The following EBF1 variants were observed in gnomAD, a reference collection of about 807,000 sequenced individuals.
The protein encoded by EBF1 is EBF transcription factor 1.
A neutral mutation model predicts 68.4 loss-of-function variants in EBF1; 10 were observed. The observed-to-expected ratio is 0.15, with a 90% CI of 0.09 to 0.25. EBF1 has a LOEUF of 0.25. EBF1 is among the 10% of genes least tolerant of loss of function. EBF1 has a pLI of 1.00. For missense variants in EBF1, 509 were observed against 794.4 expected, an observed-to-expected ratio of 0.64 and a Z score of 4.32; for synonymous variants, 298 against 299.8, an observed-to-expected ratio of 0.99 and a Z score of 0.06.
rs140902422 is a variant in EBF1 at position 158,822,005 on chromosome 5, C to T, written c.778+1171G>A. 5.6e-3 allele frequency among the ~76,000 whole-genome samples: 847 copies of T among 152,138 alleles called. 13 individuals carry two copies. Among genetic ancestry groups the T allele is most frequent in the African/African-American group, 0.019 (800 of 41,494 alleles). On this transcript the variant is annotated intron_variant, in intron 8 of 15. Transcript: ENST00000313708. ...AGCCAGGCAAAAATGATGAGAGTGG[C>T]GTGTTTATTAAATTGGGATGCTGGC...
intron 8 of EBF1, among the ~76,000 whole-genome samples, chr5:158,803,737 T>C (rs1008700939): frequency 2.4e-4 from 37 of 152,118 alleles, no homozygotes; most frequent in African/African-American, 7.2e-4. Context: ...ATAACACTTA[T>C]GCTGTTGCTT....
chr5:158,818,469 T>C (rs1344397359), intron 8 of EBF1, among the ~76,000 whole-genome samples: 1 of 152,176 alleles, frequency 6.6e-6, no homozygotes, highest in Non-Finnish European at 1.5e-5. Context: ...TCAGGGACAG[T>C]TGTAATGTGA....
At chr5:159,094,112 C>A (rs1259521990) in intron 4 of EBF1, among the ~76,000 whole-genome samples, 1 of 42,746 alleles carries the variant, frequency 2.3e-5, no homozygotes. Flanking sequence ...TTTGACATCG[C>A]AAAAGAAAAA....
chr5:158,958,855 T>G (rs2127528336), intron 6 of EBF1, among the ~76,000 whole-genome samples: 1 of 152,230 alleles, frequency 6.6e-6, no homozygotes, highest in South Asian at 2.1e-4. Flanking sequence ...GTGCATATTT[T>G]AAACCATGGG....
rs1289675640 is a variant in EBF1, at chr5:159,099,681, T to A, written c.-203A>T. 6.1e-6 allele frequency: 3 copies of A among 491,478 alleles called. No homozygotes were observed. The highest frequency in any genetic ancestry group is 2.0e-5 in the African/African-American group (1 of 49,186). 30.4% of individuals were successfully genotyped at this position (491,478 alleles called of 1,614,324 possible). A position where few individuals can be genotyped will look rare whatever the true frequency, so the allele number is the denominator to read the frequency against. On this transcript the variant is annotated 5_prime_UTR_variant, in exon 1 of 16. Transcript: ENST00000313708. ...AAAAATGTAAACCTCTGCTCAAAACTGAGCGATAACCCGAAAAAAAGAAGA... is the reference window on the plus strand; with the variant it reads ...AAAAATGTAAACCTCTGCTCAAAACAGAGCGATAACCCGAAAAAAAGAAGA...
In EBF1 at chr5:158,698,128, T is replaced by G. The variant is rs989299611; in HGVS notation, c.*983A>C. The G allele has an allele frequency of 4.5e-5, 10 of 220,006 alleles. No individual in the cohort carries two copies. Among genetic ancestry groups the G allele is most frequent in the Non-Finnish European group, 9.1e-5 (10 of 109,742 alleles). 13.6% of individuals were successfully genotyped at this position (220,006 alleles called of 1,614,324 possible). A position where few individuals can be genotyped will look rare whatever the true frequency, so the allele number is the denominator to read the frequency against. On this transcript the variant is annotated 3_prime_UTR_variant, in exon 16 of 16. Coordinates refer to ENST00000313708, the MANE Select transcript of EBF1 (RefSeq NM_024007.5). Reference sequence around the variant, plus strand: ...ACTTTTGGAAGATAGGTATGAAGTCTGCATTTAGGACGAGTAAACTTTAAA... The same window carrying G: ...ACTTTTGGAAGATAGGTATGAAGTCGGCATTTAGGACGAGTAAACTTTAAA...
At chr5:159,064,162 GTATATATATGTGTT>G (rs1030126727) in intron 6 of EBF1, among the ~76,000 whole-genome samples, 26 of 152,140 alleles carry the variant, frequency 1.7e-4, no homozygotes, top group African/African-American at 5.5e-4. Context: ...ATATGTGTGT[GTATATATATGTGTT>G]TATATATATG....
At chr5:158,721,883 T>C (rs1480812444) in intron 11 of EBF1, among the ~76,000 whole-genome samples, 1 of 152,162 alleles carries the variant, frequency 6.6e-6, no homozygotes, top group Admixed American at 6.5e-5. Context: ...AGAAGAGTTA[T>C]GACAATGGCT....
chr5:158,852,234 G>T (rs951606226), intron 6 of EBF1, among the ~76,000 whole-genome samples: 1 of 151,772 alleles, frequency 6.6e-6, no homozygotes, highest in African/African-American at 2.4e-5. Context: ...GGTGTGGGGG[G>T]TGGGGGACAC....
At chr5:158,699,166 A>G in intron 15 of EBF1, 24 bp from the exon 16 acceptor site, 1 of 1,600,342 alleles carries the variant, frequency 6.2e-7, no homozygotes, top group Non-Finnish European at 8.5e-7. Flanking sequence ...GACAGAAGTC[A>G]ATGGTTTCTT....
At chr5:158,743,758 T>G (rs1045513473) in intron 10 of EBF1, among the ~76,000 whole-genome samples, 1 of 152,206 alleles carries the variant, frequency 6.6e-6, no homozygotes, top group Non-Finnish European at 1.5e-5. Flanking sequence ...AGTGGCCATT[T>G]AGCAGAAAGA....
At chr5:158,819,123 C>A (rs187638601) in intron 8 of EBF1, among the ~76,000 whole-genome samples, 62 of 152,220 alleles carry the variant, frequency 4.1e-4, no homozygotes, top group African/African-American at 1.4e-3. Context: ...AGGAGAAAAA[C>A]ACATGCACAC....
intron 6 of EBF1, among the ~76,000 whole-genome samples, chr5:158,888,627 C>G (rs1379843445): frequency 6.6e-6 from 1 of 151,976 alleles, no homozygotes; most frequent in Non-Finnish European, 1.5e-5. Context: ...TATTAAAGAC[C>G]ATGGAACTGG....
chr5:158,779,853 A>G (rs1183927110), intron 9 of EBF1, among the ~76,000 whole-genome samples: 1 of 152,210 alleles, frequency 6.6e-6, no homozygotes, highest in Non-Finnish European at 1.5e-5. Context: ...AGGCTTTAGC[A>G]TAAAGCATTA....
At chr5:158,743,604 A>G (rs1766918082) in intron 10 of EBF1, among the ~76,000 whole-genome samples, 1 of 152,210 alleles carries the variant, frequency 6.6e-6, no homozygotes, top group Non-Finnish European at 1.5e-5. Flanking sequence ...CCAACTAATG[A>G]TGGGGTGGTC....
chr5:158,725,465 C>T (rs193255975), intron 11 of EBF1, among the ~76,000 whole-genome samples: 24 of 152,360 alleles, frequency 1.6e-4, no homozygotes, highest in Middle Eastern at 6.8e-3. Context: ...CTCTCTTCCC[C>T]TTTGAGGGCA....
intron 6 of EBF1, among the ~76,000 whole-genome samples, chr5:158,924,265 C>T (rs1809089556): frequency 6.6e-6 from 1 of 152,196 alleles, no homozygotes; most frequent in Non-Finnish European, 1.5e-5. Flanking sequence ...AAGCTCACTA[C>T]CTTCCTCATG....
In EBF1 at chr5:158,696,910, T is replaced by TC. The variant is rs1752792655; in HGVS notation, c.*2200dup. The TC allele has an allele frequency of 5.1e-6, 1 of 197,722 alleles. No homozygotes were observed. The highest frequency in any genetic ancestry group is 7.8e-5 in the East Asian group (1 of 12,834). 12.2% of individuals were successfully genotyped at this position (197,722 alleles called of 1,614,324 possible). A position where few individuals can be genotyped will look rare whatever the true frequency, so the allele number is the denominator to read the frequency against. On this transcript the variant is annotated 3_prime_UTR_variant, in exon 16 of 16. Coordinates refer to ENST00000313708, the MANE Select transcript of EBF1 (RefSeq NM_024007.5). ...TTCGATTTCTTTGTTTTTTTTTTTT[T>TC]CTTTTTTTCTTTTTCTTTTTTCTTA...
chr5:158,699,042 C>A lies in EBF1; in HGVS notation c.*69G>T. On this transcript the variant is annotated 3_prime_UTR_variant, in exon 16 of 16. Coordinates refer to ENST00000313708, the MANE Select transcript of EBF1 (RefSeq NM_024007.5). ...CTGAGTTAAAAGTTCCACTCTGGGA[C>A]TTGTATCAGATTACTCTCTGTAGCA... 6.9e-7 allele frequency: 1 copy of A among 1,441,942 alleles called. No individual in the cohort carries two copies. The highest frequency in any genetic ancestry group is 9.4e-7 in the Non-Finnish European group (1 of 1,067,576). The allele number at this position is 1,441,942 out of a possible 1,614,324, so 89.3% of individuals were successfully genotyped here.
Sources: gnomAD v4.1 joint callset for allele counts (sites outside exome capture counted in the v4.1 genomes callset) on GRCh38, gnomAD v4.1.1 for gene constraint, MANE v1.5 for transcripts, NCBI Gene and HGNC (gene_info 2026-07-23, HGNC 2026-07-21) for gene names.